KDM3A: variants seen among roughly 807,000 people sequenced by gnomAD.
KDM3A encodes lysine demethylase 3A, also known as lysine-specific demethylase 3A.
KDM3A carries 60 observed loss-of-function variants against 158.0 expected under a neutral mutation model. The observed-to-expected ratio is 0.38, with a 90% CI of 0.31 to 0.47. The LOEUF is 0.47. Ranked by LOEUF, KDM3A falls within the 20% of genes least tolerant of loss-of-function variation. KDM3A has a pLI of 0.99. For missense variants in KDM3A, 1,319 were observed against 1,574.3 expected (o/e 0.84, Z 2.74); for synonymous variants, 608 against 549.3 (o/e 1.11, Z -1.49).
At position 86,490,822 on chromosome 2, in the gene KDM3A, A is replaced by G. The variant is rs570597919; in HGVS notation, c.3574-59A>G. 33 of 1,346,254 alleles carry G rather than the reference A, an allele frequency of 2.5e-5. No individual in the cohort carries two copies. The African/African-American group carries it at 4.7e-4, about 19-fold the overall frequency. The allele number at this position is 1,346,254 out of a possible 1,614,324, so 83.4% of individuals were successfully genotyped here. A position where few individuals can be genotyped will look rare whatever the true frequency, so the allele number is the denominator to read the frequency against. On this transcript the variant is annotated intron_variant, in intron 23 of 25. Transcript: ENST00000312912. The stretch of plus-strand genomic sequence containing the variant: ...CTGCCAACACTGTTTAGAGGAAAAA[A>G]ATGGCTTATTGGGCCTTAGCATGTT...
At chr2:86,464,293 C>T in intron 9 of KDM3A, 77 bp downstream of exon 9, 2 of 1,132,594 alleles carry the variant, frequency 1.8e-6, no homozygotes. Context: ...GTTTTTATCC[C>T]TGGTTGTCCA....
At chr2:86,455,521 C>T (rs1672652761) in intron 5 of KDM3A, among the ~76,000 whole-genome samples, 1 of 151,898 alleles carries the variant, frequency 6.6e-6, no homozygotes, top group Non-Finnish European at 1.5e-5. Flanking sequence ...AAGTGTGAGC[C>T]ATCACGCCGG....
chr2:86,445,990 T>C (rs933252089), intron 2 of KDM3A, among the ~76,000 whole-genome samples: 2 of 152,190 alleles, frequency 1.3e-5, no homozygotes, highest in African/African-American at 4.8e-5. Flanking sequence ...CTTGGAAACA[T>C]TTTCATTGGT....
chr2:86,453,809 G>C (rs1672572627), intron 4 of KDM3A, among the ~76,000 whole-genome samples: 1 of 152,152 alleles, frequency 6.6e-6, no homozygotes, highest in Admixed American at 6.5e-5. Context: ...TAACAGACTA[G>C]TTATCCTTCC....
chr2:86,450,227 T>C (rs978944748), intron 3 of KDM3A, among the ~76,000 whole-genome samples: 2 of 152,240 alleles, frequency 1.3e-5, no homozygotes, highest in South Asian at 4.1e-4. Flanking sequence ...CATATAGATC[T>C]GTTTGGTTTG....
At chr2:86,446,704 T>C (rs1204557115) in intron 2 of KDM3A, among the ~76,000 whole-genome samples, 1 of 152,220 alleles carries the variant, frequency 6.6e-6, no homozygotes, top group Non-Finnish European at 1.5e-5. Flanking sequence ...ATTGAGACTC[T>C]GTCTCAAAAA....
At position 86,483,977 on chromosome 2, in the gene KDM3A, C is replaced by T; in HGVS notation, c.2923-10C>T. 6.2e-7 allele frequency: 1 copy of T among 1,604,152 alleles called. No homozygotes were observed. Among genetic ancestry groups the T allele is most frequent in the Non-Finnish European group, 8.5e-7 (1 of 1,175,470 alleles). ...GAGTTCAGACTAAAGTTTTCCTTCT[C>T]TTCATTTAGCCAGTGATGGTGTCTG... On this transcript the variant is annotated splice_polypyrimidine_tract_variant and intron_variant, in intron 18 of 25. Transcript: ENST00000312912.
At chr2:86,491,382 TAC>T (rs1255436252) in intron 25 of KDM3A, 107 bp downstream of exon 25, 1 of 1,138,306 alleles carries the variant, frequency 8.8e-7, no homozygotes, top group Admixed American at 1.9e-5. Flanking sequence ...TCGTACTTAG[TAC>T]ACAGTGAGTC....
intron 2 of KDM3A, among the ~76,000 whole-genome samples, chr2:86,447,311 A>G (rs2104624786): frequency 6.8e-6 from 1 of 146,730 alleles, no homozygotes; most frequent in Admixed American, 6.8e-5. Context: ...TTTTCAAATC[A>G]CTCAAAAATT....
intron 3 of KDM3A, among the ~76,000 whole-genome samples, chr2:86,450,382 A>G (rs1421720648): frequency 6.6e-6 from 1 of 152,272 alleles, no homozygotes; most frequent in South Asian, 2.1e-4. Context: ...GCAATGGGCT[A>G]GAGCCAAATA....
chr2:86,466,276 A>G, intron 9 of KDM3A, 96 bp from the exon 10 acceptor site: 1 of 1,277,268 alleles, frequency 7.8e-7, no homozygotes, highest in East Asian at 2.3e-5. Flanking sequence ...TTTCTTTCAT[A>G]CTCGTTACCT....
In KDM3A at chr2:86,456,945, A is replaced by G. The variant is rs1344635181; in HGVS notation, c.755-38A>G. 1.9e-6 allele frequency: 3 copies of G among 1,573,990 alleles called. No homozygotes were observed. The African/African-American group carries it at 4.1e-5, about 21-fold the overall frequency. ...CTCCGTTCTTCTCACATTAAGAGAA[A>G]CAGGGAAGCCAACTTAACCTATTTT... On this transcript the variant is annotated intron_variant, in intron 7 of 25. Transcript: ENST00000312912.
At position 86,492,229 on chromosome 2, in the gene KDM3A, C is replaced by A; in HGVS notation, c.*110C>A. ...CTCATCTTCTTTTTTAAACTGTACC[C>A]AACTTGTGAGGGTACTCTGTCTAAT... On this transcript the variant is annotated 3_prime_UTR_variant, in exon 26 of 26. Coordinates refer to ENST00000312912, the MANE Select transcript of KDM3A (RefSeq NM_018433.6). 1 of 774,066 alleles carries A rather than the reference C, an allele frequency of 1.3e-6. No individual in the cohort carries two copies. Among genetic ancestry groups the A allele is most frequent in the East Asian group, 2.7e-5 (1 of 37,450 alleles). The allele number at this position is 774,066 out of a possible 1,614,324, so 47.9% of individuals were successfully genotyped here. A position where few individuals can be genotyped will look rare whatever the true frequency, so the allele number is the denominator to read the frequency against.
intron 11 of KDM3A, among the ~76,000 whole-genome samples, chr2:86,473,044 A>G (rs1673489475): frequency 6.6e-6 from 1 of 152,200 alleles, no homozygotes; most frequent in South Asian, 2.1e-4. Flanking sequence ...CTCTGCTCTT[A>G]TAAGAATTAA....
At chr2:86,482,852 T>C (rs773279367) in intron 18 of KDM3A, 158 bp downstream of exon 18, 24 of 703,236 alleles carry the variant, frequency 3.4e-5, no homozygotes, top group Non-Finnish European at 4.7e-5. Context: ...GATGTGGCCA[T>C]GGGTCTTACT....
At chr2:86,488,239 CT>C (rs1427999393) in intron 21 of KDM3A, 7 of 151,996 alleles carry the variant, frequency 4.6e-5, no homozygotes, top group Non-Finnish European at 1.0e-4. Context: ...TGAAATTTTG[CT>C]TTTTACTATG....
At chr2:86,450,953 C>T (rs1039149099) in intron 3 of KDM3A, 150 bp from the exon 4 acceptor site, 1 of 558,128 alleles carries the variant, frequency 1.8e-6, no homozygotes, top group Non-Finnish European at 3.2e-6. Context: ...TTATCTATGG[C>T]TGCATAAATA....
At chr2:86,491,715 T>C (rs1674464627) in intron 25 of KDM3A, 1 of 337,824 alleles carries the variant, frequency 3.0e-6, no homozygotes, top group South Asian at 4.4e-5. Context: ...TTATGTAACA[T>C]AATTTCATGT....
At position 86,442,213 on chromosome 2, in the gene KDM3A, G is replaced by C. The variant is rs373486115; in HGVS notation, c.166G>C (p.Val56Leu). The C allele has an allele frequency of 1.2e-6, 2 of 1,611,116 alleles. No individual in the cohort carries two copies. Among genetic ancestry groups the C allele is most frequent in the African/African-American group, 1.3e-5 (1 of 74,728 alleles). ...GTIRAVSHTD[V>L]TKKDLKVCVE... ...CATTCGAGCTGTTTCCCACACCGAC[G>C]TTACCAAGAAGGATCTGAAGGTACA... Residue 56 changes from valine to leucine, a missense_variant, in exon 2 of 26, where the codon GTT becomes CTT. Val to Leu is a conservative substitution (Grantham distance 32). This residue lies in a region of KDM3A where 652 missense variants were observed against 627.2 expected (regional missense o/e 1.04). Transcript: ENST00000312912.
Sources: allele counts gnomAD v4.1 joint callset (sites outside exome capture counted in the v4.1 genomes callset), GRCh38; gene constraint gnomAD v4.1.1; regional missense constraint gnomAD v4.1.1; transcripts MANE v1.5; gene names NCBI Gene and HGNC (gene_info 2026-07-23, HGNC 2026-07-21).